The following LRCH1 variants were observed in gnomAD, a reference collection of about 807,000 sequenced individuals.
LRCH1 encodes the protein leucine-rich repeat and calponin homology domain-containing protein 1.
In LRCH1, 23 loss-of-function variants were observed where a neutral mutation model predicts 94.9. The observed-to-expected ratio is 0.24, with a 90% CI of 0.17 to 0.34. The LOEUF (loss-of-function observed/expected upper bound fraction) is 0.34. LRCH1 is among the 10% of genes least tolerant of loss of function. The pLI is 1.00. For missense variants in LRCH1, 790 were observed against 945.9 expected (o/e 0.84, Z 2.16); for synonymous variants, 364 against 354.9 (o/e 1.03, Z -0.29).
At chr13:46,665,855 G>A (rs1238128284) in intron 2 of LRCH1, among the ~76,000 whole-genome samples, 1 of 152,238 alleles carries the variant, frequency 6.6e-6, no homozygotes, top group East Asian at 1.9e-4. Context: ...ATTGCTGCCA[G>A]AAGAGTGGTT....
At chr13:46,585,566 A>AAAAAAC (rs1566158580) in intron 1 of LRCH1, among the ~76,000 whole-genome samples, 1 of 151,526 alleles carries the variant, frequency 6.6e-6, no homozygotes, top group African/African-American at 2.4e-5. Flanking sequence ...AAAAAAAAAA[A>AAAAAAC]AAAAACAAAA....
At chr13:46,591,965 A>G (rs2050504445) in intron 1 of LRCH1, among the ~76,000 whole-genome samples, 1 of 152,242 alleles carries the variant, frequency 6.6e-6, no homozygotes, top group Non-Finnish European at 1.5e-5. Context: ...CTGGTTTTCA[A>G]GGCTTCCCTA....
At chr13:46,695,096 C>A in intron 9 of LRCH1, 79 bp downstream of exon 9, 1 of 1,529,114 alleles carries the variant, frequency 6.5e-7, no homozygotes. Flanking sequence ...TGAAGGTTGC[C>A]AATCCATCCC....
intron 9 of LRCH1, among the ~76,000 whole-genome samples, chr13:46,696,212 A>G (rs1341318423): frequency 4.0e-5 from 6 of 151,440 alleles, no homozygotes; most frequent in African/African-American, 1.5e-4. Context: ...ACACACACAC[A>G]CACACACACA....
At position 46,744,336 on chromosome 13, in the gene LRCH1, A is replaced by G; in HGVS notation, c.*2488A>G. Reference sequence around the variant, plus strand: ...CTTCCAATGTTAGATAAAAGGAGCCAAGTATCTATTTACATTTTATTTTGA... The same window carrying G: ...CTTCCAATGTTAGATAAAAGGAGCCGAGTATCTATTTACATTTTATTTTGA... On this transcript the variant is annotated 3_prime_UTR_variant, in exon 20 of 20. Transcript: ENST00000389797. The G allele has an allele frequency of 2.0e-6, 2 of 985,436 alleles. No individual in the cohort carries two copies. The highest frequency in any genetic ancestry group is 3.5e-5 in the African/African-American group (2 of 57,358). 61.0% of individuals were successfully genotyped at this position (985,436 alleles called of 1,614,324 possible). A position where few individuals can be genotyped will look rare whatever the true frequency, so the allele number is the denominator to read the frequency against.
chr13:46,657,286 A>C (rs898467198), intron 2 of LRCH1, among the ~76,000 whole-genome samples: 9 of 151,890 alleles, frequency 5.9e-5, no homozygotes, highest in Admixed American at 6.6e-5. Flanking sequence ...GATAAAAAGC[A>C]CTGTGAAACA....
chr13:46,567,567 A>G (rs774078045), intron 1 of LRCH1, among the ~76,000 whole-genome samples: 7 of 149,112 alleles, frequency 4.7e-5, no homozygotes, highest in African/African-American at 7.6e-5. Context: ...ATCCAAGTTA[A>G]TTTTAGTTGT....
At chr13:46,577,539 T>C (rs1485468016) in intron 1 of LRCH1, among the ~76,000 whole-genome samples, 2 of 152,260 alleles carry the variant, frequency 1.3e-5, no homozygotes, top group East Asian at 3.8e-4. Context: ...TCACAGGTCC[T>C]ACCTATACTC....
chr13:46,658,889 C>T (rs2051409754), intron 2 of LRCH1, among the ~76,000 whole-genome samples: 2 of 152,128 alleles, frequency 1.3e-5, no homozygotes, highest in East Asian at 3.8e-4. Context: ...TTAGATTGGT[C>T]AAGTTTTGCT....
chr13:46,726,804 T>C (rs1018993317), intron 17 of LRCH1, among the ~76,000 whole-genome samples: 14 of 135,090 alleles, frequency 1.0e-4, no homozygotes, highest in Admixed American at 7.7e-4. Context: ...CCCAGATGCC[T>C]GCATTCACCT....
intron 1 of LRCH1, among the ~76,000 whole-genome samples, chr13:46,601,782 G>A (rs1020090060): frequency 1.3e-5 from 2 of 152,132 alleles, no homozygotes; most frequent in African/African-American, 4.8e-5. Flanking sequence ...TTTCGTAGGG[G>A]GTTATGGAGT....
Position 46,694,993 on chromosome 13 carries a change from C to T in LRCH1, c.1221C>T (p.Leu407=). The change falls in exon 9 of 20, where the codon CTC becomes CTT. Residue 407 remains leucine (L), a synonymous_variant. Coordinates refer to ENST00000389797, the MANE Select transcript of LRCH1 (RefSeq NM_001164211.2). The part of the protein sequence containing the change: ...RDQFTDRADG[L]HSEFMNYKAR... ...AGTTTACTGATAGAGCAGATGGTCT[C>T]CATTCGGAATTTATGAACTATAAGG... 1.2e-6 allele frequency: 2 copies of T among 1,613,848 alleles called. No homozygotes were observed. The highest frequency in any genetic ancestry group is 1.7e-6 in the Non-Finnish European group (2 of 1,179,900).
At chr13:46,557,218 G>C (rs1465752638) in intron 1 of LRCH1, among the ~76,000 whole-genome samples, 1 of 151,146 alleles carries the variant, frequency 6.6e-6, no homozygotes, top group Non-Finnish European at 1.5e-5. Flanking sequence ...TTTGAATGAA[G>C]AAGTTCAAAA....
chr13:46,685,465 C>T (rs1240400826), intron 4 of LRCH1, among the ~76,000 whole-genome samples: 1 of 152,062 alleles, frequency 6.6e-6, no homozygotes, highest in African/African-American at 2.4e-5. Flanking sequence ...GTAGCTAGTT[C>T]TGGGATAATG....
intron 1 of LRCH1, among the ~76,000 whole-genome samples, chr13:46,567,086 A>G (rs1377921360): frequency 6.6e-6 from 1 of 151,508 alleles, no homozygotes; most frequent in Non-Finnish European, 1.5e-5. Flanking sequence ...TGAACAGTTT[A>G]CTGATATTTT....
chr13:46,701,728 A>G (rs1414298332), intron 11 of LRCH1, among the ~76,000 whole-genome samples: 1 of 152,234 alleles, frequency 6.6e-6, no homozygotes, highest in African/African-American at 2.4e-5. Flanking sequence ...CATTCAGTGG[A>G]TATGTGGATA....
At chr13:46,687,473 A>G (rs1443876640) in intron 5 of LRCH1, among the ~76,000 whole-genome samples, 2 of 152,186 alleles carry the variant, frequency 1.3e-5, no homozygotes, top group Non-Finnish European at 2.9e-5. Context: ...AATTATTTTT[A>G]GGCTCTGAAT....
chr13:46,703,090 C>T (rs773499416), intron 11 of LRCH1, among the ~76,000 whole-genome samples: 6 of 152,142 alleles, frequency 3.9e-5, no homozygotes, highest in African/African-American at 1.2e-4. Flanking sequence ...AATTCTACAT[C>T]CCAAGCCGGG....
At chr13:46,717,230 C>T (rs1051641364) in intron 16 of LRCH1, among the ~76,000 whole-genome samples, 3 of 152,042 alleles carry the variant, frequency 2.0e-5, no homozygotes, top group African/African-American at 4.8e-5. Flanking sequence ...TCATCTCTGC[C>T]GCATCTACAT....
Sources: gnomAD v4.1 joint callset for allele counts (sites outside exome capture counted in the v4.1 genomes callset) on GRCh38, gnomAD v4.1.1 for gene constraint, MANE v1.5 for transcripts, NCBI Gene and HGNC (gene_info 2026-07-23, HGNC 2026-07-21) for gene names.